STXBP5L: variants seen among roughly 807,000 people sequenced by gnomAD.
STXBP5L encodes the protein syntaxin binding protein 5L.
In STXBP5L, 65 loss-of-function variants were observed where a neutral mutation model predicts 144.5. The ratio of observed to expected loss-of-function variants is 0.45; its 90% confidence interval spans 0.37 to 0.55. The LOEUF (loss-of-function observed/expected upper bound fraction) is 0.55. Among genes scored for constraint, STXBP5L ranks in the 20% least tolerant of loss-of-function variants. The pLI is 0.00. For missense variants in STXBP5L, 1,298 were observed against 1,405.5 expected (o/e 0.92, Z 1.22); for synonymous variants, 505 against 469.6 (o/e 1.08, Z -0.97).
chr3:121,097,577 G>T (rs536787366), intron 5 of STXBP5L, among the ~76,000 whole-genome samples: 1 of 152,080 alleles, frequency 6.6e-6, no homozygotes, highest in African/African-American at 2.4e-5. Flanking sequence ...AAAATTTCCC[G>T]ACTTCTTGCA....
chr3:120,996,533 A>C (rs1192210484), intron 3 of STXBP5L, among the ~76,000 whole-genome samples: 1 of 152,156 alleles, frequency 6.6e-6, no homozygotes, highest in African/African-American at 2.4e-5. Flanking sequence ...AGCTATAGTC[A>C]TCATGCTCTA....
At chr3:121,292,658 G>A (rs552456292) in intron 19 of STXBP5L, among the ~76,000 whole-genome samples, 5 of 152,204 alleles carry the variant, frequency 3.3e-5, no homozygotes, top group South Asian at 2.1e-4. Flanking sequence ...ATCAATCAAC[G>A]AGTGGATAAA....
intron 7 of STXBP5L, among the ~76,000 whole-genome samples, chr3:121,150,472 T>C (rs1214424425): frequency 6.6e-6 from 1 of 152,096 alleles, no homozygotes; most frequent in Non-Finnish European, 1.5e-5. Flanking sequence ...TAACTGATTC[T>C]AATATCATGT....
intron 19 of STXBP5L, among the ~76,000 whole-genome samples, chr3:121,313,334 G>A (rs1386410452): frequency 5.1e-5 from 7 of 138,500 alleles, no homozygotes; most frequent in Middle Eastern, 3.7e-3. Context: ...GCGGCTGGCC[G>A]GGCGGGGGGC....
At chr3:121,298,167 T>C (rs2051735309) in intron 19 of STXBP5L, among the ~76,000 whole-genome samples, 1 of 152,226 alleles carries the variant, frequency 6.6e-6, no homozygotes, top group Admixed American at 6.5e-5. Context: ...TGTTTGTTTG[T>C]TTTGTTTTTT....
chr3:121,213,175 C>T (rs1577226415), intron 10 of STXBP5L, among the ~76,000 whole-genome samples: 1 of 152,230 alleles, frequency 6.6e-6, no homozygotes, highest in African/African-American at 2.4e-5. Context: ...ATTTGAATTC[C>T]TCCCTTTCTA....
At chr3:120,979,341 C>T (rs548007717) in intron 3 of STXBP5L, among the ~76,000 whole-genome samples, 1 of 152,210 alleles carries the variant, frequency 6.6e-6, no homozygotes, top group Non-Finnish European at 1.5e-5. Flanking sequence ...GGGCATAGGA[C>T]CCTCCGAGCC....
intron 3 of STXBP5L, among the ~76,000 whole-genome samples, chr3:121,031,366 C>T (rs1262902888): frequency 6.7e-6 from 1 of 150,160 alleles, no homozygotes; most frequent in Non-Finnish European, 1.5e-5. Context: ...ATGTATATAT[C>T]TATGTATGTG....
At chr3:121,129,329 T>C (rs2044861998) in intron 7 of STXBP5L, among the ~76,000 whole-genome samples, 1 of 151,912 alleles carries the variant, frequency 6.6e-6, no homozygotes, top group African/African-American at 2.4e-5. Flanking sequence ...ACAGCATCTC[T>C]GAAGGAACTG....
chr3:121,093,049 G>A (rs1424115067), intron 5 of STXBP5L, among the ~76,000 whole-genome samples: 1 of 152,038 alleles, frequency 6.6e-6, no homozygotes, highest in South Asian at 2.1e-4. Context: ...TTTGCCTTTG[G>A]TTCTGTTTAT....
At position 121,205,976 on chromosome 3, in the gene STXBP5L, G is replaced by T; in HGVS notation, c.931G>T (p.Val311Leu). 1 of 1,515,596 alleles carries T rather than the reference G, an allele frequency of 6.6e-7. No homozygotes were observed. Among genetic ancestry groups the T allele is most frequent in the Non-Finnish European group, 8.8e-7 (1 of 1,137,572 alleles). 93.9% of individuals were successfully genotyped at this position (1,515,596 alleles called of 1,614,324 possible). The part of the protein sequence containing the change: ...KSESCKPILK[V>L]EYKTCKNSEP... Reference sequence around the variant, plus strand: ...TGAATCTTGTAAACCAATTCTTAAAGTAGAATACAAGACCTGCAAAAACAG... The same window carrying T: ...TGAATCTTGTAAACCAATTCTTAAATTAGAATACAAGACCTGCAAAAACAG... The change falls in exon 10 of 27, where the codon GTA becomes TTA. Residue 311 changes from valine to leucine, a missense_variant. Coordinates refer to ENST00000471454, the MANE Select transcript of STXBP5L (RefSeq NM_001308330.2).
At chr3:121,077,042 C>T (rs1269213703) in intron 5 of STXBP5L, among the ~76,000 whole-genome samples, 2 of 152,188 alleles carry the variant, frequency 1.3e-5, no homozygotes, top group African/African-American at 2.4e-5. Flanking sequence ...GTCTGTGCCT[C>T]CCAGCGTCAC....
chr3:121,289,665 T>C (rs958509604), intron 19 of STXBP5L, among the ~76,000 whole-genome samples: 32 of 152,096 alleles, frequency 2.1e-4, no homozygotes, highest in African/African-American at 6.5e-4. Flanking sequence ...AAAACAAGTC[T>C]CAATAAATTT....
intron 19 of STXBP5L, among the ~76,000 whole-genome samples, chr3:121,285,303 C>A (rs2051193423): frequency 6.6e-6 from 1 of 151,946 alleles, no homozygotes; most frequent in Admixed American, 6.6e-5. Context: ...TCTCTCAAAG[C>A]CACACAGAAT....
chr3:121,297,390 C>T (rs189143059), intron 19 of STXBP5L, among the ~76,000 whole-genome samples: 36 of 152,076 alleles, frequency 2.4e-4, no homozygotes, highest in Admixed American at 1.5e-3. Context: ...AAAAGTCAGT[C>T]GAAGCAGATC....
intron 9 of STXBP5L, among the ~76,000 whole-genome samples, chr3:121,198,460 T>C (rs578122236): frequency 6.6e-6 from 1 of 152,352 alleles, no homozygotes; most frequent in East Asian, 1.9e-4. Flanking sequence ...GATAGTTTCT[T>C]TTGCTGTGCA....
At chr3:121,360,698 C>T (rs930961005) in intron 20 of STXBP5L, among the ~76,000 whole-genome samples, 9 of 151,996 alleles carry the variant, frequency 5.9e-5, no homozygotes, top group Non-Finnish European at 1.0e-4. Context: ...TTAAGTTTGT[C>T]CTCCTGCTTT....
chr3:120,962,137 T>G (rs973475509), intron 3 of STXBP5L, among the ~76,000 whole-genome samples: 1 of 149,566 alleles, frequency 6.7e-6, no homozygotes, highest in Non-Finnish European at 1.5e-5. Flanking sequence ...TTTTTTCTGG[T>G]AAATTTTTGT....
chr3:121,403,181 TAC>T (rs2046922386), intron 22 of STXBP5L, among the ~76,000 whole-genome samples: 1 of 152,148 alleles, frequency 6.6e-6, no homozygotes, highest in African/African-American at 2.4e-5. Context: ...TCTCTCCTGT[TAC>T]AGTTACTAAA....
Sources: allele counts gnomAD v4.1 joint callset (sites outside exome capture counted in the v4.1 genomes callset), GRCh38; gene constraint gnomAD v4.1.1; transcripts MANE v1.5; gene names NCBI Gene and HGNC (gene_info 2026-07-23, HGNC 2026-07-21).